NLGN1: variants seen among roughly 807,000 people sequenced by gnomAD.
The protein encoded by NLGN1 is neuroligin 1.
Under a neutral mutation model 65.5 loss-of-function variants are expected in NLGN1, and 12 were observed. The observed-to-expected ratio is 0.18, with a 90% CI of 0.12 to 0.30. The LOEUF (loss-of-function observed/expected upper bound fraction) is 0.30, where lower values mean the gene tolerates loss of function less well. Ranked by LOEUF, NLGN1 falls within the 10% of genes least tolerant of loss-of-function variation. NLGN1 has a pLI of 1.00. For missense variants in NLGN1, 750 were observed against 1,007.1 expected (o/e 0.74, Z 3.46); for synonymous variants, 350 against 359.5 (o/e 0.97, Z 0.30).
chr3:173,696,123 T>A (rs1766184787), intron 3 of NLGN1, among the ~76,000 whole-genome samples: 1 of 152,220 alleles, frequency 6.6e-6, no homozygotes, highest in Non-Finnish European at 1.5e-5. Flanking sequence ...TATTTATAAT[T>A]CTTTATGGTA....
rs34649854 is a variant in NLGN1, at chr3:173,668,619, C to CTT, written c.493+63545_493+63546dup. Among the ~76,000 whole-genome samples the CTT allele has an allele frequency of 4.9e-4, 65 of 132,744 alleles. No individual in the cohort carries two copies. The Middle Eastern group carries it at 0.016, about 33-fold the overall frequency. The allele number at this position is 132,744 out of a possible 152,430, so 87.1% of individuals were successfully genotyped here. On this transcript the variant is annotated intron_variant, in intron 3 of 6. Coordinates refer to ENST00000457714, the Ensembl canonical transcript of NLGN1. ...CTTAGTTTCTTTTTACTTTTCTTTTCTTTTTTTTTTTTTTTTTTAAGACAG... is the reference window on the plus strand; with the variant it reads ...CTTAGTTTCTTTTTACTTTTCTTTTCTTTTTTTTTTTTTTTTTTTTAAGACAG...
At chr3:174,177,816 T>C (rs1162332030) in intron 4 of NLGN1, among the ~76,000 whole-genome samples, 1 of 152,160 alleles carries the variant, frequency 6.6e-6, no homozygotes, top group Non-Finnish European at 1.5e-5. Flanking sequence ...ATAGTCATAA[T>C]TAATAAATTT....
chr3:174,012,217 T>A (rs891709174), intron 4 of NLGN1, among the ~76,000 whole-genome samples: 1 of 152,138 alleles, frequency 6.6e-6, no homozygotes, highest in East Asian at 1.9e-4. Context: ...CCATCTCCCA[T>A]ACTTACACCC....
chr3:174,114,083 G>T (rs925379260), intron 4 of NLGN1, among the ~76,000 whole-genome samples: 2 of 152,040 alleles, frequency 1.3e-5, no homozygotes, highest in Admixed American at 1.3e-4. Flanking sequence ...AATTAGCTAG[G>T]AATGTCCAAC....
rs1470446566 is a variant in NLGN1, at chr3:173,777,104, A to G, written c.494-30576A>G. Among the ~76,000 whole-genome samples the G allele has an allele frequency of 2.0e-5, 3 of 152,122 alleles. No homozygotes were observed. The East Asian group carries it at 5.8e-4, about 29-fold the overall frequency. On this transcript the variant is annotated intron_variant, in intron 3 of 6. Transcript: ENST00000457714. ...ACGCAAGTTATTTCATCTTTCTAGA[A>G]GTTTCGGTCACCTCATCTATAAAAT...
chr3:173,621,110 T>G (rs532217884), intron 3 of NLGN1, among the ~76,000 whole-genome samples: 46 of 152,238 alleles, frequency 3.0e-4, no homozygotes, highest in African/African-American at 1.0e-3. Flanking sequence ...AGCATACAAG[T>G]ACTGCACTTG....
rs182596065 is a variant in NLGN1, at chr3:173,939,423, C to T, written c.646+131591C>T. Among the ~76,000 whole-genome samples the T allele has an allele frequency of 9.3e-4, 142 of 152,274 alleles. No homozygotes were observed. The Middle Eastern group carries it at 0.017, about 18-fold the overall frequency. ...AAATCATTCATTGATCGCTAATCAC[C>T]TGTGGTTGTTTACACACAACAGGTT... On this transcript the variant is annotated intron_variant, in intron 4 of 6. Transcript: ENST00000457714.
chr3:174,237,713 T>C (rs545722416), intron 4 of NLGN1, among the ~76,000 whole-genome samples: 2 of 152,178 alleles, frequency 1.3e-5, no homozygotes, highest in South Asian at 4.2e-4. Flanking sequence ...CCCACCATAA[T>C]GTGTGGCTAA....
intron 3 of NLGN1, among the ~76,000 whole-genome samples, chr3:173,627,617 A>G (rs1560074146): frequency 6.6e-6 from 1 of 152,094 alleles, no homozygotes; most frequent in Non-Finnish European, 1.5e-5. Flanking sequence ...GGAATCTGCC[A>G]TAGTTTTAAG....
intron 3 of NLGN1, among the ~76,000 whole-genome samples, chr3:173,654,381 A>T (rs1280487301): frequency 1.3e-5 from 2 of 152,146 alleles, no homozygotes; most frequent in African/African-American, 2.4e-5. Flanking sequence ...ATAACATTAT[A>T]CTTGTTTAGT....
intron 4 of NLGN1, chr3:174,180,963 G>C (rs1730301867): frequency 1.3e-5 from 2 of 152,130 alleles, no homozygotes. Flanking sequence ...ATTCTAACAA[G>C]TGATTGGAAT....
In NLGN1 at chr3:174,177,743, G is replaced by A. The variant is rs77395915; in HGVS notation, c.647-97572G>A. ...GTCAAAATACAATTATTTACTCATG[G>A]CCTTTCATTATGTTATATTCTCCTT... On this transcript the variant is annotated intron_variant, in intron 4 of 6. Transcript: ENST00000457714. Among the ~76,000 whole-genome samples, 733 of 152,022 alleles carry A rather than the reference G, an allele frequency of 4.8e-3. 2 individuals carry two copies. Among genetic ancestry groups the A allele is most frequent in the African/African-American group, 0.017 (718 of 41,510 alleles).
In NLGN1 at chr3:173,529,554, AG is replaced by A. The variant is rs574299047; in HGVS notation, c.-320-74724del. Among the ~76,000 whole-genome samples, 4 of 152,326 alleles carry A rather than the reference AG, an allele frequency of 2.6e-5. No homozygotes were observed. The South Asian group carries it at 8.3e-4, about 32-fold the overall frequency. ...ACCAGCTGCATGCCCTAGATCGGCA[AG>A]AACTTGATCTGTTTATCACACCCCT... On this transcript the variant is annotated intron_variant, in intron 2 of 6. Coordinates refer to ENST00000457714, the Ensembl canonical transcript of NLGN1.
At chr3:173,675,954 T>C (rs1763114983) in intron 3 of NLGN1, among the ~76,000 whole-genome samples, 1 of 150,620 alleles carries the variant, frequency 6.6e-6, no homozygotes, top group Non-Finnish European at 1.5e-5. Context: ...AAAATCTTAA[T>C]AGGATTAGTG....
intron 4 of NLGN1, among the ~76,000 whole-genome samples, chr3:174,219,192 G>T (rs548639835): frequency 1.3e-5 from 2 of 152,192 alleles, no homozygotes; most frequent in South Asian, 2.1e-4. Context: ...CCACCCTGGA[G>T]TAGGAACCAG....
intron 4 of NLGN1, among the ~76,000 whole-genome samples, chr3:173,881,717 C>A (rs911766982): frequency 2.0e-5 from 3 of 152,090 alleles, no homozygotes; most frequent in African/African-American, 2.4e-5. Context: ...AATTCTAGTT[C>A]TTGTTCTATT....
chr3:174,112,956 T>C (rs1715563589), intron 4 of NLGN1, among the ~76,000 whole-genome samples: 1 of 151,856 alleles, frequency 6.6e-6, no homozygotes, highest in Non-Finnish European at 1.5e-5. Context: ...TAAACAGAAA[T>C]ATATGTGTAT....
intron 4 of NLGN1, among the ~76,000 whole-genome samples, chr3:174,078,458 T>C (rs1741466449): frequency 6.6e-6 from 1 of 152,138 alleles, no homozygotes; most frequent in Admixed American, 6.5e-5. Flanking sequence ...ACTCTGAAAT[T>C]ATATGTTGTC....
At chr3:174,101,358 A>G (rs1446090102) in intron 4 of NLGN1, among the ~76,000 whole-genome samples, 1 of 152,178 alleles carries the variant, frequency 6.6e-6, no homozygotes, top group East Asian at 1.9e-4. Flanking sequence ...AGGAATTAAT[A>G]CACAGAAACT....
Sources: allele counts gnomAD v4.1 joint callset (sites outside exome capture counted in the v4.1 genomes callset), GRCh38; gene constraint gnomAD v4.1.1; transcripts MANE v1.5; gene names NCBI Gene and HGNC (gene_info 2026-07-23, HGNC 2026-07-21).